SRGAP2: variants seen among roughly 807,000 people sequenced by gnomAD.
The protein encoded by SRGAP2 is SLIT-ROBO Rho GTPase-activating protein 2.
A neutral mutation model predicts 57.2 loss-of-function variants in SRGAP2; 15 were observed. The ratio of observed to expected loss-of-function variants is 0.26; its 90% confidence interval spans 0.18 to 0.40. SRGAP2 has a LOEUF of 0.40. Ranked by LOEUF, SRGAP2 falls within the 10% of genes least tolerant of loss-of-function variation. SRGAP2 has a pLI of 1.00. For synonymous variants in SRGAP2, 249 were observed against 248.0 expected (o/e 1.00, Z -0.04); for missense variants, 520 against 669.6 (o/e 0.78, Z 2.47).
intron 19 of SRGAP2, among the ~76,000 whole-genome samples, chr1:206,452,955 G>A (rs1306232638): frequency 6.7e-6 from 1 of 148,566 alleles, no homozygotes; most frequent in East Asian, 2.0e-4. Context: ...AGGCAGATAA[G>A]AGAGAAGAAG....
chr1:206,463,286 G>A lies in SRGAP2; in HGVS notation c.*1866G>A, dbSNP rs1223342531. ...CTGAAGAACTCTTTCAGTGAAGTGA[G>A]TCAGCCTAGAAGAGGCAACCCACAG... On this transcript the variant is annotated 3_prime_UTR_variant, in exon 23 of 23. Transcript: ENST00000573034. The A allele has an allele frequency of 6.6e-6, 1 of 152,616 alleles. No homozygotes were observed. The highest frequency in any genetic ancestry group is 2.4e-5 in the African/African-American group (1 of 41,440). The allele number at this position is 152,616 out of a possible 1,614,324, so 9.5% of individuals were successfully genotyped here. A position where few individuals can be genotyped will look rare whatever the true frequency, so the allele number is the denominator to read the frequency against.
chr1:206,209,814 G>A (rs145913317), intron 2 of SRGAP2, among the ~76,000 whole-genome samples: 4,036 of 148,082 alleles, frequency 0.027, 172 homozygotes, highest in African/African-American at 0.094. Flanking sequence ...ATGTACACAC[G>A]TCCTTCTGTA....
At chr1:206,306,909 T>C (rs1444048538) in intron 3 of SRGAP2, among the ~76,000 whole-genome samples, 35 of 150,762 alleles carry the variant, frequency 2.3e-4, no homozygotes, top group Non-Finnish European at 4.3e-4. Flanking sequence ...GACATAAAGG[T>C]TCTCCACATC....
At chr1:206,251,656 C>G (rs1328446811) in intron 2 of SRGAP2, among the ~76,000 whole-genome samples, 1 of 149,648 alleles carries the variant, frequency 6.7e-6, no homozygotes, top group African/African-American at 2.5e-5. Flanking sequence ...CCTTGAGTAG[C>G]TGAGTTCAAA....
chr1:206,243,632 G>T (rs1553309640), intron 2 of SRGAP2, among the ~76,000 whole-genome samples: 1 of 152,158 alleles, frequency 6.6e-6, no homozygotes, highest in African/African-American at 2.4e-5. Flanking sequence ...GATGGAGGAG[G>T]GGTGACTCTC....
At chr1:206,213,521 C>T (rs1466334444) in intron 2 of SRGAP2, among the ~76,000 whole-genome samples, 4 of 151,810 alleles carry the variant, frequency 2.6e-5, no homozygotes, top group Admixed American at 1.3e-4. Context: ...GTGTCTCAGC[C>T]GTTACTCTGC....
intron 3 of SRGAP2, among the ~76,000 whole-genome samples, chr1:206,309,168 A>G (rs1394893780): frequency 7.3e-6 from 1 of 136,262 alleles, no homozygotes; most frequent in Non-Finnish European, 1.6e-5. Context: ...CCTGTGTCTT[A>G]AAAAAAAAAA....
chr1:206,310,578 T>C (rs1379317948), intron 3 of SRGAP2, among the ~76,000 whole-genome samples: 1 of 152,180 alleles, frequency 6.6e-6, no homozygotes, highest in Non-Finnish European at 1.5e-5. Context: ...ATCTTAGTAG[T>C]ACAGTGATGA....
At chr1:206,294,806 A>G (rs1254145831) in intron 2 of SRGAP2, among the ~76,000 whole-genome samples, 2 of 151,606 alleles carry the variant, frequency 1.3e-5, no homozygotes, top group Non-Finnish European at 2.9e-5. Flanking sequence ...CATTTATTAC[A>G]TTCATCATGA....
At chr1:206,229,931 TACACAC>T (rs66901207) in intron 2 of SRGAP2, among the ~76,000 whole-genome samples, 98 of 141,760 alleles carry the variant, frequency 6.9e-4, no homozygotes, top group South Asian at 1.4e-3. Flanking sequence ...TACACATACA[TACACAC>T]ACACACACAC....
At chr1:206,452,810 C>T (rs1336341332) in intron 19 of SRGAP2, among the ~76,000 whole-genome samples, 2 of 139,428 alleles carry the variant, frequency 1.4e-5, no homozygotes, top group African/African-American at 2.7e-5. Flanking sequence ...CGCGTAAACC[C>T]GGGAGGCAGA....
chr1:206,208,153 G>C (rs1666077484), intron 2 of SRGAP2: 1 of 72,756 alleles, frequency 1.4e-5, no homozygotes, highest in African/African-American at 5.6e-5. Flanking sequence ...TGGCAGATCT[G>C]AAACTAGAAG....
At chr1:206,458,435 A>G (rs1553379188) in intron 21 of SRGAP2, 188 bp from the exon 22 acceptor site, 2 of 714,358 alleles carry the variant, frequency 2.8e-6, no homozygotes, top group Non-Finnish European at 5.2e-6. Flanking sequence ...TCCTTCACCC[A>G]GCTTGGGGGT....
intron 7 of SRGAP2, among the ~76,000 whole-genome samples, chr1:206,395,549 T>C (rs1454267045): frequency 6.9e-6 from 1 of 145,796 alleles, no homozygotes; most frequent in East Asian, 2.0e-4. Context: ...AGGAAGAGAA[T>C]CCATTCTTTC....
chr1:206,375,974 G>C (rs1655160678), intron 4 of SRGAP2, among the ~76,000 whole-genome samples: 1 of 149,948 alleles, frequency 6.7e-6, no homozygotes, highest in South Asian at 2.2e-4. Flanking sequence ...AGAGGTCCTG[G>C]ATTTCACTGA....
At chr1:206,216,693 A>G (rs1553303425) in intron 2 of SRGAP2, among the ~76,000 whole-genome samples, 1 of 147,718 alleles carries the variant, frequency 6.8e-6, no homozygotes, top group Non-Finnish European at 1.5e-5. Context: ...TGAACTTGAA[A>G]TATGTATTCG....
At chr1:206,322,770 G>T (rs879965294) in intron 3 of SRGAP2, among the ~76,000 whole-genome samples, 33 of 142,994 alleles carry the variant, frequency 2.3e-4, no homozygotes, top group Non-Finnish European at 3.7e-4. Flanking sequence ...CAGAATACCT[G>T]AGTCCAGGTA....
At chr1:206,452,908 A>G (rs1455372566) in intron 19 of SRGAP2, among the ~76,000 whole-genome samples, 2 of 150,930 alleles carry the variant, frequency 1.3e-5, no homozygotes, top group African/African-American at 4.9e-5. Flanking sequence ...AAAAAAAAAA[A>G]ATGGGATGCT....
intron 2 of SRGAP2, among the ~76,000 whole-genome samples, chr1:206,249,848 C>G (rs1301918884): frequency 1.3e-5 from 2 of 148,832 alleles, no homozygotes; most frequent in African/African-American, 2.5e-5. Flanking sequence ...CTGACTCCCC[C>G]TCCTCCTTCA....
Sources: gnomAD v4.1 joint callset for allele counts (sites outside exome capture counted in the v4.1 genomes callset) on GRCh38, gnomAD v4.1.1 for gene constraint, MANE v1.5 for transcripts, NCBI Gene and HGNC (gene_info 2026-07-23, HGNC 2026-07-21) for gene names.